Variants in ENOX1 observed in about 807,000 individuals in gnomAD.
ENOX1 encodes candidate growth-related and time keeping constitutive hydroquinone (NADH) oxidase.
ENOX1 carries 42 observed loss-of-function variants against 82.5 expected under a neutral mutation model. The ratio of observed to expected loss-of-function variants is 0.51; its 90% CI spans 0.40 to 0.66. The LOEUF is 0.66. ENOX1 is among the 30% of genes least tolerant of loss of function. The probability of loss-of-function intolerance (pLI) is 0.00; values close to 1 mark genes in which losing one functional copy is unlikely to be tolerated. For missense variants in ENOX1, 608 were observed against 811.6 expected (o/e 0.75, Z 3.05); for synonymous variants, 271 against 282.2 (o/e 0.96, Z 0.40).
chr13:43,651,695 T>TAAAA (rs57810969), intron 2 of ENOX1, among the ~76,000 whole-genome samples: 1 of 96,976 alleles, frequency 1.0e-5, no homozygotes, highest in South Asian at 3.4e-4. Context: ...AGACTCTGTC[T>TAAAA]AAAAAAAAAA....
intron 13 of ENOX1, among the ~76,000 whole-genome samples, chr13:43,266,287 G>A (rs1393291867): frequency 9.9e-5 from 15 of 152,154 alleles, no homozygotes. Flanking sequence ...AAGTATTCAT[G>A]GTAGGAAAAA....
At chr13:43,230,626 C>A (rs1163225065) in intron 15 of ENOX1, among the ~76,000 whole-genome samples, 1 of 152,086 alleles carries the variant, frequency 6.6e-6, no homozygotes, top group Non-Finnish European at 1.5e-5. Flanking sequence ...AGGGCTTACA[C>A]ACTTACCACA....
chr13:43,265,480 CA>C, intron 13 of ENOX1, 26 bp from the exon 14 acceptor site: 1 of 1,598,260 alleles, frequency 6.3e-7, no homozygotes, highest in Non-Finnish European at 8.5e-7. Context: ...AAAAACAACA[CA>C]AAACAAAAAA....
At chr13:43,257,505 T>C (rs1025299159) in intron 14 of ENOX1, among the ~76,000 whole-genome samples, 2 of 152,190 alleles carry the variant, frequency 1.3e-5, no homozygotes, top group Non-Finnish European at 2.9e-5. Context: ...GGTTGTAAAA[T>C]TGTCCATATG....
intron 3 of ENOX1, among the ~76,000 whole-genome samples, chr13:43,443,344 T>A (rs2153624509): frequency 6.6e-6 from 1 of 152,292 alleles, no homozygotes; most frequent in African/African-American, 2.4e-5. Flanking sequence ...AACATAAAAA[T>A]TTTTAAATCT....
intron 2 of ENOX1, among the ~76,000 whole-genome samples, chr13:43,555,965 C>T (rs896445152): frequency 9.2e-5 from 14 of 152,178 alleles, no homozygotes; most frequent in Middle Eastern, 3.2e-3. Flanking sequence ...TTATAACTTA[C>T]CTCCTCCCAC....
chr13:43,319,184 T>A (rs746997534), intron 11 of ENOX1, among the ~76,000 whole-genome samples: 2 of 152,232 alleles, frequency 1.3e-5, no homozygotes, highest in Non-Finnish European at 2.9e-5. Flanking sequence ...GCCGATCTTC[T>A]AGAATGAATG....
Position 43,755,782 on chromosome 13 carries a change from A to G in ENOX1, c.-285+30870T>C, listed in dbSNP as rs1198036903. ...CTAAAATAGGTAAAATGGCAAGAATACATGTTGATTACTTTCTGGTATGAT... is the reference window on the plus strand; with the variant it reads ...CTAAAATAGGTAAAATGGCAAGAATGCATGTTGATTACTTTCTGGTATGAT... On this transcript the variant is annotated intron_variant, in intron 1 of 16. Transcript: ENST00000690772. Among the ~76,000 whole-genome samples, 6 of 152,348 alleles carry G rather than the reference A, an allele frequency of 3.9e-5. No homozygotes were observed. In the East Asian group the frequency reaches 1.2e-3, roughly 29 times the overall value.
intron 5 of ENOX1, among the ~76,000 whole-genome samples, chr13:43,387,865 C>T (rs1032259414): frequency 1.3e-5 from 2 of 151,892 alleles, no homozygotes; most frequent in African/African-American, 4.8e-5. Flanking sequence ...GAACATTTGA[C>T]AAGGATTCAT....
At chr13:43,551,673 A>G (rs1403071779) in intron 2 of ENOX1, among the ~76,000 whole-genome samples, 6 of 152,170 alleles carry the variant, frequency 3.9e-5, no homozygotes, top group African/African-American at 1.2e-4. Context: ...TGGTATCTTA[A>G]TATCAATTTA....
chr13:43,613,553 A>T (rs2082284927), intron 2 of ENOX1, among the ~76,000 whole-genome samples: 1 of 152,212 alleles, frequency 6.6e-6, no homozygotes, highest in South Asian at 2.1e-4. Context: ...CTAGATCAAG[A>T]AAAAACTCAA....
chr13:43,578,995 G>A (rs2080573211), intron 2 of ENOX1, among the ~76,000 whole-genome samples: 1 of 151,744 alleles, frequency 6.6e-6, no homozygotes. Flanking sequence ...AGGAATTCTT[G>A]TTCCTTCATT....
At chr13:43,584,760 G>A (rs1281072835) in intron 2 of ENOX1, among the ~76,000 whole-genome samples, 1 of 152,182 alleles carries the variant, frequency 6.6e-6, no homozygotes, top group Non-Finnish European at 1.5e-5. Flanking sequence ...CACTTTGCTT[G>A]TAGGCTAATC....
intron 11 of ENOX1, among the ~76,000 whole-genome samples, chr13:43,311,206 T>C (rs140388438): frequency 2.6e-5 from 4 of 151,922 alleles, no homozygotes; most frequent in African/African-American, 4.8e-5. Context: ...GTGGATTATA[T>C]AGAGGAGAGA....
intron 1 of ENOX1, among the ~76,000 whole-genome samples, chr13:43,690,425 A>G (rs1225329979): frequency 1.3e-5 from 2 of 152,132 alleles, no homozygotes; most frequent in African/African-American, 2.4e-5. Flanking sequence ...TTCAATAAAT[A>G]TAATTGAGGA....
intron 1 of ENOX1, among the ~76,000 whole-genome samples, chr13:43,759,097 CTTTT>C (rs3044251): frequency 1.6e-5 from 2 of 122,448 alleles, no homozygotes; most frequent in Non-Finnish European, 3.2e-5. Context: ...TGATAAGTTT[CTTTT>C]TTTTTTTTTT....
In ENOX1 at chr13:43,291,259, C is replaced by A. The variant is rs190762156; in HGVS notation, c.1446+7087G>T. On this transcript the variant is annotated intron_variant, in intron 12 of 16. Coordinates refer to ENST00000690772, the MANE Select transcript of ENOX1 (RefSeq NM_001347969.2). ...ATCCTTCCCATCCCTGTGTCTGGAA[C>A]GGACTCTACTGTTCTGTGTCCTGCA... Among the ~76,000 whole-genome samples, 3 of 152,192 alleles carry A rather than the reference C, an allele frequency of 2.0e-5. No homozygotes were observed. In the South Asian group the frequency reaches 6.2e-4, roughly 32 times the overall value.
chr13:43,754,224 CATGTGTATACATATGT>C (rs1950510838), intron 1 of ENOX1, among the ~76,000 whole-genome samples: 1 of 147,136 alleles, frequency 6.8e-6, no homozygotes, highest in Non-Finnish European at 1.5e-5. Flanking sequence ...TGTGTACATA[CATGTGTATACATATGT>C]ATATATACAC....
intron 5 of ENOX1, among the ~76,000 whole-genome samples, chr13:43,391,123 T>C (rs2052749530): frequency 6.6e-6 from 1 of 152,064 alleles, no homozygotes. Flanking sequence ...CGGCCCCCAT[T>C]GCAGTCTTTT....
Sources: gnomAD v4.1 joint callset for allele counts (sites outside exome capture counted in the v4.1 genomes callset) on GRCh38, gnomAD v4.1.1 for gene constraint, MANE v1.5 for transcripts, NCBI Gene and HGNC (gene_info 2026-07-23, HGNC 2026-07-21) for gene names.